Variants in KCNQ1OT1 observed in about 807,000 individuals in gnomAD.
KCNQ1OT1 encodes the protein KCNQ1 antisense RNA 2 (non-protein coding).
Position 2,623,430 on chromosome 11 carries a change from T to C in KCNQ1OT1, n.76565A>G. ...CTCTGTGCACTGCCTATTCAACCCTTCTTCCCCAACAACCCTTGGCAACCA... is the reference window on the plus strand; with the variant it reads ...CTCTGTGCACTGCCTATTCAACCCTCCTTCCCCAACAACCCTTGGCAACCA... On this transcript the variant is annotated non_coding_transcript_exon_variant, in exon 1 of 1. Coordinates refer to ENST00000597346, the Ensembl canonical transcript of KCNQ1OT1. The surrounding 1 kb of genome is among the most constrained non-coding windows in gnomAD (Gnocchi z 5.2). 1 of 398,626 alleles carries C rather than the reference T, an allele frequency of 2.5e-6. No individual in the cohort carries two copies. The highest frequency in any genetic ancestry group is 4.4e-6 in the Non-Finnish European group (1 of 226,066). The allele number at this position is 398,626 out of a possible 1,614,324, so 24.7% of individuals were successfully genotyped here. A position where few individuals can be genotyped will look rare whatever the true frequency, so the allele number is the denominator to read the frequency against.
chr11:2,667,571 G>T (rs970889335), exon 1 of KCNQ1OT1: 1 of 398,240 alleles, frequency 2.5e-6, no homozygotes, highest in Non-Finnish European at 4.4e-6. Flanking sequence ...TGGCAGTTGG[G>T]GCAGGGGGTC....
rs989800642 is a variant in KCNQ1OT1 at position 2,695,339 on chromosome 11, T to A, written n.4656A>T. 2.5e-6 allele frequency: 1 copy of A among 398,474 alleles called. No individual in the cohort carries two copies. The highest frequency in any genetic ancestry group is 4.4e-6 in the Non-Finnish European group (1 of 226,098). The allele number at this position is 398,474 out of a possible 1,614,324, so 24.7% of individuals were successfully genotyped here. A position where few individuals can be genotyped will look rare whatever the true frequency, so the allele number is the denominator to read the frequency against. On this transcript the variant is annotated non_coding_transcript_exon_variant, in exon 1 of 1. Coordinates refer to ENST00000597346, the Ensembl canonical transcript of KCNQ1OT1. This position sits in a 1 kb window ranked among gnomAD's most constrained non-coding sequence, Gnocchi z 5.2. ...ATTTATTTATATCATTGTGTGTGTG[T>A]GTGTGCACTCACGAGCACTCCCTAG... is the stretch of plus-strand genomic sequence containing the variant.
In KCNQ1OT1 at chr11:2,664,445, C is replaced by T. The variant is rs144031448; in HGVS notation, n.35550G>A. The T allele has an allele frequency of 3.4e-3, 1,337 of 398,658 alleles. 10 individuals are homozygous for T. Among genetic ancestry groups the T allele is most frequent in the African/African-American group, 0.022 (1,052 of 48,736 alleles). 24.7% of individuals were successfully genotyped at this position (398,658 alleles called of 1,614,324 possible). The stretch of plus-strand genomic sequence containing the variant: ...TCAGGGCCTAGGAACCCAGGCTCCT[C>T]TGGGATACAGGCTGGGTAGAGGCCC... On this transcript the variant is annotated non_coding_transcript_exon_variant, in exon 1 of 1. Transcript: ENST00000597346. This position sits in a 1 kb window ranked among gnomAD's most constrained non-coding sequence, Gnocchi z 5.1.
At chr11:2,633,229 A>G (rs188670384) in exon 1 of KCNQ1OT1, 56 of 398,510 alleles carry the variant, frequency 1.4e-4, no homozygotes, top group African/African-American at 9.6e-4. Context: ...TCTAAATCAG[A>G]TAATCTGGTG....
chr11:2,608,993 T>C lies in KCNQ1OT1; in HGVS notation n.91002A>G. 5.0e-6 allele frequency: 2 copies of C among 398,466 alleles called. No homozygotes were observed. The highest frequency in any genetic ancestry group is 8.8e-6 in the Non-Finnish European group (2 of 226,038). 24.7% of individuals were successfully genotyped at this position (398,466 alleles called of 1,614,324 possible). A position where few individuals can be genotyped will look rare whatever the true frequency, so the allele number is the denominator to read the frequency against. On this transcript the variant is annotated non_coding_transcript_exon_variant, in exon 1 of 1. Coordinates refer to ENST00000597346, the Ensembl canonical transcript of KCNQ1OT1. The surrounding 1 kb of genome is among the most constrained non-coding windows in gnomAD (Gnocchi z 4.6). The stretch of plus-strand genomic sequence containing the variant: ...TAATTTCAAAGAACCAAATTTTGGA[T>C]TTGTTGACTTTATTATTTTTATATT...
At chr11:2,632,252 T>G in exon 1 of KCNQ1OT1, 1 of 398,432 alleles carries the variant, frequency 2.5e-6, no homozygotes, top group Non-Finnish European at 4.4e-6. Flanking sequence ...GCTACTTTGC[T>G]GAATTAATTT....
exon 1 of KCNQ1OT1, chr11:2,609,892 G>T (rs796635077): frequency 2.5e-5 from 10 of 397,930 alleles, no homozygotes; most frequent in African/African-American, 1.6e-4. Context: ...TTTACTTTCA[G>T]TTGGCATTTA....
In KCNQ1OT1 at chr11:2,670,871, A is replaced by G. The variant is rs1429871920; in HGVS notation, n.29124T>C. 2.5e-6 allele frequency: 1 copy of G among 398,480 alleles called. No homozygotes were observed. The highest frequency in any genetic ancestry group is 3.6e-5 in the East Asian group (1 of 28,082). The allele number at this position is 398,480 out of a possible 1,614,324, so 24.7% of individuals were successfully genotyped here. A position where few individuals can be genotyped will look rare whatever the true frequency, so the allele number is the denominator to read the frequency against. On this transcript the variant is annotated non_coding_transcript_exon_variant, in exon 1 of 1. Coordinates refer to ENST00000597346, the Ensembl canonical transcript of KCNQ1OT1. The surrounding 1 kb of genome is among the most constrained non-coding windows in gnomAD (Gnocchi z 4.9). ...AAAGGTCCTCACTGGCCAGTGGGCC[A>G]CTGGGAAGCCTCCTGGATTGCCTGG...
chr11:2,632,728 C>T (rs1047859641), exon 1 of KCNQ1OT1: 2 of 398,248 alleles, frequency 5.0e-6, no homozygotes, highest in African/African-American at 4.1e-5. Context: ...CCAAGTTCAT[C>T]CATGTTGCTG....
At chr11:2,644,450 G>A in exon 1 of KCNQ1OT1, 1 of 397,894 alleles carries the variant, frequency 2.5e-6, no homozygotes. Context: ...TCTATCTCTT[G>A]GGCAAATTTC....
chr11:2,623,505 G>C lies in KCNQ1OT1; in HGVS notation n.76490C>G, dbSNP rs1042276974. ...CATTGCCTTTTCTAAAATGCAATAT[G>C]ATTGGAATCATACAGTATGTAGTTT... On this transcript the variant is annotated non_coding_transcript_exon_variant, in exon 1 of 1. Transcript: ENST00000597346. The surrounding 1 kb of genome is among the most constrained non-coding windows in gnomAD (Gnocchi z 5.2). 46 of 398,428 alleles carry C rather than the reference G, an allele frequency of 1.2e-4. No homozygotes were observed. Among genetic ancestry groups the C allele is most frequent in the Non-Finnish European group, 9.3e-5 (21 of 226,054 alleles). The allele number at this position is 398,428 out of a possible 1,614,324, so 24.7% of individuals were successfully genotyped here. A position where few individuals can be genotyped will look rare whatever the true frequency, so the allele number is the denominator to read the frequency against.
chr11:2,668,985 G>A lies in KCNQ1OT1; in HGVS notation n.31010C>T, dbSNP rs1209808444. Reference sequence around the variant, plus strand: ...TGATTTTTGTGTCCAATGTGAGGCCGAGGTCAAGGTCCACTCTTCCCCTAC... The same window carrying A: ...TGATTTTTGTGTCCAATGTGAGGCCAAGGTCAAGGTCCACTCTTCCCCTAC... On this transcript the variant is annotated non_coding_transcript_exon_variant, in exon 1 of 1. Transcript: ENST00000597346. This position sits in a 1 kb window ranked among gnomAD's most constrained non-coding sequence, Gnocchi z 4.3. 6 of 398,396 alleles carry A rather than the reference G, an allele frequency of 1.5e-5. No homozygotes were observed. Among genetic ancestry groups the A allele is most frequent in the East Asian group, 1.1e-4 (3 of 28,082 alleles). The allele number at this position is 398,396 out of a possible 1,614,324, so 24.7% of individuals were successfully genotyped here.
exon 1 of KCNQ1OT1, chr11:2,684,146 G>T (rs771373489): frequency 5.0e-6 from 2 of 398,482 alleles, no homozygotes; most frequent in African/African-American, 4.1e-5. Flanking sequence ...TGAAGAATGG[G>T]GTACACCAGA....
Position 2,677,403 on chromosome 11 carries a change from A to C in KCNQ1OT1, n.22592T>G, listed in dbSNP as rs1290676570. 2.5e-6 allele frequency: 1 copy of C among 398,508 alleles called. No homozygotes were observed. The highest frequency in any genetic ancestry group is 4.4e-6 in the Non-Finnish European group (1 of 226,076). 24.7% of individuals were successfully genotyped at this position (398,508 alleles called of 1,614,324 possible). A position where few individuals can be genotyped will look rare whatever the true frequency, so the allele number is the denominator to read the frequency against. On this transcript the variant is annotated non_coding_transcript_exon_variant, in exon 1 of 1. Coordinates refer to ENST00000597346, the Ensembl canonical transcript of KCNQ1OT1. This position sits in a 1 kb window ranked among gnomAD's most constrained non-coding sequence, Gnocchi z 4.5. ...AGAGGAAACCAAGATCGATGCCTAG[A>C]TAAGCATTTCAGAGGACAGCAGGGG...
Position 2,626,268 on chromosome 11 carries a change from T to C in KCNQ1OT1, n.73727A>G. On this transcript the variant is annotated non_coding_transcript_exon_variant, in exon 1 of 1. Coordinates refer to ENST00000597346, the Ensembl canonical transcript of KCNQ1OT1. This position sits in a 1 kb window ranked among gnomAD's most constrained non-coding sequence, Gnocchi z 4.0. ...TCTCAACTTCATTCTCTTTTATACA[T>C]GGTTAGGTAAGGATCTCAACTTCAT... 1 of 398,484 alleles carries C rather than the reference T, an allele frequency of 2.5e-6. No individual in the cohort carries two copies. Among genetic ancestry groups the C allele is most frequent in the Non-Finnish European group, 4.4e-6 (1 of 226,048 alleles). 24.7% of individuals were successfully genotyped at this position (398,484 alleles called of 1,614,324 possible).
chr11:2,616,633 CTTCT>C, exon 1 of KCNQ1OT1: 1 of 398,142 alleles, frequency 2.5e-6, no homozygotes, highest in Non-Finnish European at 4.4e-6. Flanking sequence ...CTTCTGATGT[CTTCT>C]TTGACACAAT....
exon 1 of KCNQ1OT1, chr11:2,692,865 A>T (rs1486022463): frequency 7.5e-6 from 3 of 398,570 alleles, no homozygotes; most frequent in Non-Finnish European, 1.3e-5. Flanking sequence ...CTGCCTGGGA[A>T]GGCACTGTGC....
rs528436802 is a variant in KCNQ1OT1, at chr11:2,670,670, G to T, written n.29325C>A. Reference sequence around the variant, plus strand: ...ATGAACCCTGAAGATTGGTAGGAAGGCAGTGTAGCAGTAACAAGACAAAGG... The same window carrying T: ...ATGAACCCTGAAGATTGGTAGGAAGTCAGTGTAGCAGTAACAAGACAAAGG... On this transcript the variant is annotated non_coding_transcript_exon_variant, in exon 1 of 1. Transcript: ENST00000597346. This position sits in a 1 kb window ranked among gnomAD's most constrained non-coding sequence, Gnocchi z 4.9. 9.3e-5 allele frequency: 37 copies of T among 398,646 alleles called. No homozygotes were observed. Among genetic ancestry groups the T allele is most frequent in the African/African-American group, 7.6e-4 (37 of 48,732 alleles). 24.7% of individuals were successfully genotyped at this position (398,646 alleles called of 1,614,324 possible). A position where few individuals can be genotyped will look rare whatever the true frequency, so the allele number is the denominator to read the frequency against.
In KCNQ1OT1 at chr11:2,612,401, T is replaced by C. The variant is rs1848995645; in HGVS notation, n.87594A>G. 1 of 398,528 alleles carries C rather than the reference T, an allele frequency of 2.5e-6. No homozygotes were observed. The highest frequency in any genetic ancestry group is 4.4e-6 in the Non-Finnish European group (1 of 226,082). 24.7% of individuals were successfully genotyped at this position (398,528 alleles called of 1,614,324 possible). On this transcript the variant is annotated non_coding_transcript_exon_variant, in exon 1 of 1. Transcript: ENST00000597346. This position sits in a 1 kb window ranked among gnomAD's most constrained non-coding sequence, Gnocchi z 5.5. The stretch of plus-strand genomic sequence containing the variant: ...AAAAAGGTTGGGGACCACTATATTA[T>C]GGTATCCAATGGGTATCTCTTCATT...
Sources: allele counts gnomAD v4.1 joint callset, GRCh38; gene constraint gnomAD v4.1.1; non-coding constraint Gnocchi (gnomAD v3.1); transcripts MANE v1.5; gene names NCBI Gene and HGNC (gene_info 2026-07-23, HGNC 2026-07-21).